Variants in RAB27A observed in about 807,000 individuals in gnomAD.
RAB27A encodes ras-related protein Rab-27A.
In RAB27A, 17 loss-of-function variants were observed where a neutral mutation model predicts 20.8. That is an observed-to-expected ratio of 0.82 (90% CI 0.56 to 1.23). RAB27A has a LOEUF of 1.23. Among genes scored for constraint, RAB27A ranks in the 50% most tolerant of loss-of-function variants. RAB27A has a pLI of 0.00. For synonymous variants in RAB27A, 85 were observed against 92.8 expected (o/e 0.92, Z 0.48); for missense variants, 277 against 266.7 (o/e 1.04, Z -0.27).
chr15:55,227,923 A>T (rs1342811100), intron 5 of RAB27A, among the ~76,000 whole-genome samples: 1 of 152,224 alleles, frequency 6.6e-6, no homozygotes, highest in Non-Finnish European at 1.5e-5. Context: ...GGTTACACTA[A>T]CATGACCAAA....
intron 2 of RAB27A, among the ~76,000 whole-genome samples, chr15:55,257,351 A>C (rs910774947): frequency 2.0e-5 from 3 of 152,118 alleles, no homozygotes; most frequent in Non-Finnish European, 4.4e-5. Context: ...CCAACAGTGA[A>C]AGCTCCAAAA....
chr15:55,253,617 G>A (rs1207716143), intron 2 of RAB27A, among the ~76,000 whole-genome samples: 1 of 152,050 alleles, frequency 6.6e-6, no homozygotes, highest in Non-Finnish European at 1.5e-5. Context: ...GCCATCTATG[G>A]AAACAAAGCT....
chr15:55,245,382 G>A lies in RAB27A; in HGVS notation c.-22-10426C>T, dbSNP rs138698717. ...ATCTTGTTTGTGCAAAATCTCAGGC[G>A]GAGAGAAGTGGAAATCTAACACCTT... On this transcript the variant is annotated intron_variant, in intron 2 of 6. Coordinates refer to ENST00000336787, the MANE Select transcript of RAB27A (RefSeq NM_183235.3). Among the ~76,000 whole-genome samples the A allele has an allele frequency of 1.6e-3, 251 of 152,208 alleles. 1 individual carries two copies. The highest frequency in any genetic ancestry group is 2.9e-3 in the Non-Finnish European group (196 of 68,016).
intron 2 of RAB27A, among the ~76,000 whole-genome samples, chr15:55,303,247 C>T (rs1274526019): frequency 1.1e-4 from 10 of 91,476 alleles, no homozygotes; most frequent in African/African-American, 2.6e-4. Context: ...CCGCCCTGTC[C>T]GGGAGGGAGG....
At chr15:55,216,825 C>T (rs568131822) in intron 6 of RAB27A, among the ~76,000 whole-genome samples, 19 of 152,226 alleles carry the variant, frequency 1.2e-4, no homozygotes, top group African/African-American at 4.6e-4. Flanking sequence ...CATTTGCCTC[C>T]CTTACTCCTC....
intron 1 of RAB27A, among the ~76,000 whole-genome samples, chr15:55,276,509 G>T (rs1393118137): frequency 6.6e-6 from 1 of 152,154 alleles, no homozygotes; most frequent in East Asian, 1.9e-4. Context: ...CTTCAAGGCT[G>T]CAGTGAGCTA....
chr15:55,286,309 T>C (rs534590407), intron 1 of RAB27A, among the ~76,000 whole-genome samples: 3 of 152,318 alleles, frequency 2.0e-5, no homozygotes, highest in African/African-American at 7.2e-5. Context: ...GCTATGGACA[T>C]CACAGTGAAC....
intron 2 of RAB27A, chr15:55,313,972 CAATAAATAAATA>C (rs58148391): frequency 0.01 from 1,402 of 139,620 alleles, 11 homozygotes; most frequent in Middle Eastern, 0.033. Context: ...GACTCCATCT[CAATAAATAAATA>C]AATAAATAAA....
At chr15:55,233,893 A>C (rs547531842) in intron 3 of RAB27A, among the ~76,000 whole-genome samples, 2 of 152,172 alleles carry the variant, frequency 1.3e-5, no homozygotes, top group Non-Finnish European at 1.5e-5. Context: ...GATTCTATCA[A>C]CTACACGTCA....
intron 1 of RAB27A, among the ~76,000 whole-genome samples, chr15:55,286,742 G>C (rs1450177286): frequency 1.3e-5 from 2 of 151,860 alleles, no homozygotes; most frequent in Non-Finnish European, 2.9e-5. Context: ...GTTTCAAGCA[G>C]AGTGACATAA....
intron 1 of RAB27A, among the ~76,000 whole-genome samples, chr15:55,316,768 A>G (rs781385157): frequency 2.0e-5 from 3 of 152,182 alleles, no homozygotes; most frequent in African/African-American, 7.2e-5. Flanking sequence ...CATCTGTGTC[A>G]TATCTGCCAT....
At chr15:55,268,653 T>A (rs1007704111) in intron 2 of RAB27A, among the ~76,000 whole-genome samples, 1 of 152,082 alleles carries the variant, frequency 6.6e-6, no homozygotes, top group Admixed American at 6.5e-5. Context: ...AAACCATGGG[T>A]TAGTAGACAG....
At chr15:55,211,538 G>A (rs568118913) in intron 6 of RAB27A, among the ~76,000 whole-genome samples, 1 of 151,994 alleles carries the variant, frequency 6.6e-6, no homozygotes, top group South Asian at 2.1e-4. Flanking sequence ...TTGCTTTCTT[G>A]ATTTCTTTTT....
upstream of RAB27A, among the ~76,000 whole-genome samples, chr15:55,294,171 G>C (rs1457024331): frequency 6.6e-6 from 1 of 151,994 alleles, no homozygotes; most frequent in Non-Finnish European, 1.5e-5. Flanking sequence ...AAGACATATA[G>C]ATAAGTGGAA....
At chr15:55,284,758 A>G (rs781194048) in intron 1 of RAB27A, among the ~76,000 whole-genome samples, 2 of 152,256 alleles carry the variant, frequency 1.3e-5, no homozygotes, top group Admixed American at 6.5e-5. Flanking sequence ...TGCTGGTTCC[A>G]GAGTCCCACT....
At chr15:55,248,984 T>G (rs1211672298) in intron 2 of RAB27A, 1 of 152,242 alleles carries the variant, frequency 6.6e-6, no homozygotes, top group Non-Finnish European at 1.5e-5. Flanking sequence ...ATATATTTCT[T>G]ATTGCTTCTC....
At chr15:55,278,326 G>C (rs1897927295) in intron 1 of RAB27A, among the ~76,000 whole-genome samples, 1 of 152,074 alleles carries the variant, frequency 6.6e-6, no homozygotes, top group African/African-American at 2.4e-5. Context: ...GGGAGCCCTG[G>C]GGTATTTATG....
intron 1 of RAB27A, among the ~76,000 whole-genome samples, chr15:55,274,977 G>A (rs781222044): frequency 5.3e-5 from 8 of 151,604 alleles, no homozygotes; most frequent in East Asian, 2.0e-4. Context: ...CCAGTCGGGC[G>A]CAGTGGCTCA....
intron 1 of RAB27A, among the ~76,000 whole-genome samples, chr15:55,287,856 T>A (rs949491969): frequency 6.6e-6 from 1 of 152,150 alleles, no homozygotes; most frequent in Admixed American, 6.5e-5. Context: ...AAACACTATG[T>A]AGCTACAATA....
Sources: gnomAD v4.1 joint callset for allele counts (sites outside exome capture counted in the v4.1 genomes callset) on GRCh38, gnomAD v4.1.1 for gene constraint, MANE v1.5 for transcripts, NCBI Gene and HGNC (gene_info 2026-07-23, HGNC 2026-07-21) for gene names.